The following SH2D4B variants were observed in gnomAD, a reference collection of about 807,000 sequenced individuals.
SH2D4B encodes SH2 domain containing 4B, also known as SH2 domain-containing protein 4B.
Under a neutral mutation model 61.5 loss-of-function variants are expected in SH2D4B, and 45 were observed. The observed-to-expected ratio is 0.73, with a 90% confidence interval of 0.58 to 0.94. The LOEUF is 0.94. SH2D4B is among the 40% of genes least tolerant of loss of function. The pLI, the probability that SH2D4B is intolerant of heterozygous loss-of-function variation, is 0.00. For synonymous variants in SH2D4B, 224 were observed against 220.4 expected (o/e 1.02, Z -0.14); for missense variants, 572 against 574.2 (o/e 1.00, Z 0.04).
intron 6 of SH2D4B, among the ~76,000 whole-genome samples, chr10:80,630,940 C>G (rs1320333970): frequency 6.6e-6 from 1 of 152,110 alleles, no homozygotes; most frequent in Non-Finnish European, 1.5e-5. Context: ...GGAAGCTGCT[C>G]AAGGGTTTTA....
chr10:80,566,180 C>T (rs1460093680), intron 1 of SH2D4B, among the ~76,000 whole-genome samples: 1 of 150,770 alleles, frequency 6.6e-6, no homozygotes, highest in Non-Finnish European at 1.5e-5. Flanking sequence ...AGAAGAAGAG[C>T]CCTTTACATG....
chr10:80,543,874 ACT>A (rs1841624978), intron 1 of SH2D4B, among the ~76,000 whole-genome samples: 1 of 151,426 alleles, frequency 6.6e-6, no homozygotes, highest in Non-Finnish European at 1.5e-5. Flanking sequence ...TTGTGTAGAC[ACT>A]CTGTATCTAG....
chr10:80,634,915 C>T (rs1287224214), intron 7 of SH2D4B, among the ~76,000 whole-genome samples: 1 of 152,228 alleles, frequency 6.6e-6, no homozygotes, highest in Non-Finnish European at 1.5e-5. Context: ...AGCTGAAGTG[C>T]AGTAGGCAAC....
intron 7 of SH2D4B, among the ~76,000 whole-genome samples, chr10:80,642,756 A>C (rs984919594): frequency 6.6e-6 from 1 of 152,202 alleles, no homozygotes; most frequent in Admixed American, 6.5e-5. Context: ...CTATGGATAC[A>C]TGTGCAGTAT....
At chr10:80,628,534 T>G (rs1442533392) in intron 6 of SH2D4B, among the ~76,000 whole-genome samples, 1 of 152,152 alleles carries the variant, frequency 6.6e-6, no homozygotes, top group East Asian at 1.9e-4. Flanking sequence ...AAAACGGACT[T>G]ATACAGAGGG....
chr10:80,582,978 A>G (rs1184478133), intron 3 of SH2D4B, among the ~76,000 whole-genome samples: 1 of 152,190 alleles, frequency 6.6e-6, no homozygotes, highest in African/African-American at 2.4e-5. Flanking sequence ...ATTGCCCTAG[A>G]GCAAAGTCCT....
intron 3 of SH2D4B, among the ~76,000 whole-genome samples, chr10:80,575,269 C>T (rs533688400): frequency 6.6e-6 from 1 of 151,956 alleles, no homozygotes; most frequent in Admixed American, 6.5e-5. Flanking sequence ...CTCATATACA[C>T]TTTGTTGTTG....
At chr10:80,567,648 T>C (rs982809683) in intron 1 of SH2D4B, among the ~76,000 whole-genome samples, 1 of 152,220 alleles carries the variant, frequency 6.6e-6, no homozygotes, top group Non-Finnish European at 1.5e-5. Flanking sequence ...AGCCACAGTC[T>C]CCAGTCTATA....
At chr10:80,585,605 G>A (rs1428922422) in intron 3 of SH2D4B, among the ~76,000 whole-genome samples, 3 of 152,158 alleles carry the variant, frequency 2.0e-5, no homozygotes, top group East Asian at 3.9e-4. Flanking sequence ...GTGAACCACC[G>A]CGCCCAGCCA....
At position 80,571,510 on chromosome 10, in the gene SH2D4B, T is replaced by G. The variant is rs1455201727; in HGVS notation, c.427T>G (p.Trp143Gly). ...NEKARILAEK[W>G]KVEMEDRKAA... ...GAAAGCCCGGATCTTGGCGGAGAAG[T>G]GGAAAGTGGAGATGGAAGACCGCAA... The change falls in exon 3 of 8, where the codon TGG becomes GGG. Residue 143 changes from tryptophan to glycine, a missense_variant. Physicochemically the swap from Trp to Gly is radical, Grantham distance 184. Coordinates refer to ENST00000646907, the MANE Select transcript of SH2D4B (RefSeq NM_001388272.1). 1 of 1,613,640 alleles carries G rather than the reference T, an allele frequency of 6.2e-7. No individual in the cohort carries two copies. Among genetic ancestry groups the G allele is most frequent in the Non-Finnish European group, 8.5e-7 (1 of 1,179,950 alleles).
chr10:80,602,362 C>T (rs1842460157), intron 4 of SH2D4B, among the ~76,000 whole-genome samples: 1 of 152,144 alleles, frequency 6.6e-6, no homozygotes, highest in African/African-American at 2.4e-5. Context: ...ACTCAGGAGG[C>T]TGAGGTGGGA....
chr10:80,539,134 C>T lies in SH2D4B; in HGVS notation c.184+619C>T, dbSNP rs1215587221. Among the ~76,000 whole-genome samples the T allele has an allele frequency of 6.6e-6, 1 of 152,230 alleles. No individual in the cohort carries two copies. The highest frequency in any genetic ancestry group is 2.4e-5 in the African/African-American group (1 of 41,458). ...TGCAGATGAGAAGCAAGGGCCTAGC[C>T]TACATTTCAGGTGTTTTGTATGCAA... On this transcript the variant is annotated intron_variant, in intron 1 of 7. Transcript: ENST00000646907. The surrounding 1 kb of genome is among the most constrained non-coding windows in gnomAD (Gnocchi z 4.9).
intron 1 of SH2D4B, among the ~76,000 whole-genome samples, chr10:80,552,796 T>C (rs961697462): frequency 3.9e-5 from 6 of 152,260 alleles, no homozygotes. Context: ...CTAAATTCTT[T>C]GGGTTCATTT....
intron 1 of SH2D4B, among the ~76,000 whole-genome samples, chr10:80,562,028 TA>T (rs1841906713): frequency 6.9e-6 from 1 of 144,410 alleles, no homozygotes; most frequent in Non-Finnish European, 1.5e-5. Context: ...CTCTTCCAAT[TA>T]CACACACACA....
At position 80,583,583 on chromosome 10, in the gene SH2D4B, T is replaced by C. The variant is rs928364098; in HGVS notation, c.496-5047T>C. Among the ~76,000 whole-genome samples the C allele has an allele frequency of 2.8e-4, 42 of 151,858 alleles. 1 individual carries two copies. Among genetic ancestry groups the C allele is most frequent in the African/African-American group, 8.5e-4 (35 of 41,292 alleles). On this transcript the variant is annotated intron_variant, in intron 3 of 7. Coordinates refer to ENST00000646907, the MANE Select transcript of SH2D4B (RefSeq NM_001388272.1). ...TACTCGGGAGGCTAAGGCATGAAAA[T>C]TGCTTGAACCTGGGAGGTAGAGGTT...
chr10:80,591,142 C>T (rs1842320118), intron 4 of SH2D4B, among the ~76,000 whole-genome samples: 1 of 151,924 alleles, frequency 6.6e-6, no homozygotes, highest in African/African-American at 2.4e-5. Flanking sequence ...GTCCACTTAA[C>T]AGTTGATGAA....
chr10:80,616,837 A>G (rs1457489655), intron 6 of SH2D4B, among the ~76,000 whole-genome samples: 2 of 152,358 alleles, frequency 1.3e-5, no homozygotes, highest in East Asian at 3.9e-4. Context: ...CTTACTTCCC[A>G]AACAACTCTC....
intron 6 of SH2D4B, among the ~76,000 whole-genome samples, chr10:80,617,783 A>G (rs754729691): frequency 6.6e-6 from 1 of 152,174 alleles, no homozygotes; most frequent in Non-Finnish European, 1.5e-5. Context: ...GTTGTTTTCT[A>G]TGTTGTTTTC....
chr10:80,644,136 G>T lies in SH2D4B; in HGVS notation c.*51G>T, dbSNP rs1488828167. ...TTTTGGTATCCTGTTTTTGAACTCA[G>T]CTTAAGAACTTCTCATCTCAAATCC... On this transcript the variant is annotated 3_prime_UTR_variant, in exon 8 of 8. Coordinates refer to ENST00000646907, the MANE Select transcript of SH2D4B (RefSeq NM_001388272.1). The T allele has an allele frequency of 2.1e-6, 3 of 1,441,862 alleles. No individual in the cohort carries two copies. In the African/African-American group the frequency reaches 4.2e-5, roughly 20 times the overall value. 89.3% of individuals were successfully genotyped at this position (1,441,862 alleles called of 1,614,324 possible).
Sources: gnomAD v4.1 joint callset for allele counts (sites outside exome capture counted in the v4.1 genomes callset) on GRCh38, gnomAD v4.1.1 for gene constraint, Gnocchi (gnomAD v3.1) non-coding constraint, MANE v1.5 for transcripts, NCBI Gene and HGNC (gene_info 2026-07-23, HGNC 2026-07-21) for gene names.